The following GGNBP2 variants were observed in gnomAD, a reference collection of about 807,000 sequenced individuals.
GGNBP2 encodes the protein gametogenetin binding protein 2, also known as gametogenetin-binding protein 2.
Under a neutral mutation model 85.9 loss-of-function variants are expected in GGNBP2, and 10 were observed. The observed-to-expected ratio is 0.12, with a 90% CI of 0.07 to 0.20. The LOEUF (loss-of-function observed/expected upper bound fraction) is 0.20, where lower values mean the gene tolerates loss of function less well. GGNBP2 is among the 10% of genes least tolerant of loss of function. The probability of loss-of-function intolerance (pLI) is 1.00; values close to 1 mark genes in which losing one functional copy is unlikely to be tolerated. For synonymous variants in GGNBP2, 287 were observed against 285.7 expected (o/e 1.00, Z -0.05); for missense variants, 595 against 857.8 (o/e 0.69, Z 3.83).
intron 4 of GGNBP2, among the ~76,000 whole-genome samples, chr17:36,560,158 A>G (rs1002625314): frequency 6.6e-6 from 1 of 151,970 alleles, no homozygotes; most frequent in Non-Finnish European, 1.5e-5. Context: ...AAATTTTGCT[A>G]TGTTACCCAG....
At position 36,586,996 on chromosome 17, in the gene GGNBP2, G is replaced by C. The variant is rs2074708498; in HGVS notation, c.1642-1G>C. The C allele has an allele frequency of 1.2e-6, 2 of 1,609,660 alleles. No homozygotes were observed. The highest frequency in any genetic ancestry group is 2.7e-5 in the African/African-American group (2 of 74,208). On this transcript the variant is annotated splice_acceptor_variant, in intron 12 of 13. Transcript: ENST00000613102. LOFTEE classifies it high-confidence loss of function. Reference sequence around the variant, plus strand: ...TGTGAAATCCTTTGCTGTGGTATCAGATCCAGAAGCTTGGAAGCTGTATTA... The same window carrying C: ...TGTGAAATCCTTTGCTGTGGTATCACATCCAGAAGCTTGGAAGCTGTATTA...
chr17:36,545,529 C>T, intron 1 of GGNBP2, 90 bp from the exon 2 acceptor site: 1 of 521,856 alleles, frequency 1.9e-6, no homozygotes, highest in Non-Finnish European at 3.4e-6. Flanking sequence ...GCCCGGCTCT[C>T]CCGTACCCTC....
intron 6 of GGNBP2, among the ~76,000 whole-genome samples, chr17:36,571,275 A>G (rs1555606768): frequency 1.3e-5 from 2 of 152,026 alleles, no homozygotes; most frequent in Admixed American, 6.6e-5. Context: ...ATAAAGGCTG[A>G]GTGTGGTGGC....
intron 6 of GGNBP2, among the ~76,000 whole-genome samples, chr17:36,569,062 A>G (rs1021020203): frequency 8.6e-5 from 13 of 151,930 alleles, no homozygotes; most frequent in African/African-American, 2.7e-4. Flanking sequence ...CTACAAAGGA[A>G]TCTTCTAAGT....
At chr17:36,587,632 T>G (rs937245921) in intron 13 of GGNBP2, 1 of 201,974 alleles carries the variant, frequency 5.0e-6, no homozygotes, top group African/African-American at 2.3e-5. Flanking sequence ...CTCATGCTTG[T>G]AATCCCAGCA....
intron 4 of GGNBP2, among the ~76,000 whole-genome samples, chr17:36,558,548 C>A (rs1428985300): frequency 6.6e-6 from 1 of 151,346 alleles, no homozygotes; most frequent in East Asian, 2.0e-4. Flanking sequence ...CACTGCCTCC[C>A]GGGTTCAAGC....
chr17:36,581,549 T>C lies in GGNBP2; in HGVS notation c.1215+11T>C. On this transcript the variant is annotated intron_variant, in intron 9 of 13. Coordinates refer to ENST00000613102, the MANE Select transcript of GGNBP2 (RefSeq NM_024835.5). ...GTAAGCCAAGAGAAGGTAATATTTC[T>C]TAATATCAACTCTTAAGTGTGTATG... 6.3e-7 allele frequency: 1 copy of C among 1,585,214 alleles called. No individual in the cohort carries two copies.
At chr17:36,553,917 G>A (rs1256169550) in intron 2 of GGNBP2, among the ~76,000 whole-genome samples, 1 of 152,158 alleles carries the variant, frequency 6.6e-6, no homozygotes, top group Non-Finnish European at 1.5e-5. Context: ...GTGACATAGT[G>A]AAGCCTCCTT....
At chr17:36,556,964 G>C in intron 3 of GGNBP2, 119 bp from the exon 4 acceptor site, 4 of 1,153,860 alleles carry the variant, frequency 3.5e-6, no homozygotes, top group South Asian at 1.4e-5. Context: ...GTTGCAGGTA[G>C]AGCTGGTAAA....
intron 2 of GGNBP2, among the ~76,000 whole-genome samples, chr17:36,548,933 A>G (rs1163318146): frequency 1.3e-5 from 2 of 152,088 alleles, no homozygotes; most frequent in African/African-American, 4.8e-5. Flanking sequence ...AGACAAAGTG[A>G]AACTCCGTTT....
chr17:36,546,574 C>T (rs764767978), intron 2 of GGNBP2: 8 of 152,140 alleles, frequency 5.3e-5, no homozygotes, highest in Non-Finnish European at 1.0e-4. Context: ...GCATTATCGA[C>T]CCTCTGCCCT....
At chr17:36,574,659 C>A in intron 6 of GGNBP2, 1 of 596,522 alleles carries the variant, frequency 1.7e-6, no homozygotes, top group Non-Finnish European at 3.0e-6. Flanking sequence ...GCAGTGTAGC[C>A]CCTGGCTAAG....
intron 13 of GGNBP2, among the ~76,000 whole-genome samples, chr17:36,588,325 T>G (rs1020476284): frequency 6.6e-6 from 1 of 152,088 alleles, no homozygotes; most frequent in African/African-American, 2.4e-5. Context: ...TGGTGCGATC[T>G]CGGCTAATCG....
intron 8 of GGNBP2, among the ~76,000 whole-genome samples, chr17:36,580,717 C>G (rs1392722596): frequency 1.3e-5 from 2 of 150,560 alleles, no homozygotes; most frequent in African/African-American, 4.9e-5. Flanking sequence ...GCCAGGAGTT[C>G]GAGACCAACC....
chr17:36,577,778 A>C (rs1025288218), intron 6 of GGNBP2: 1 of 594,118 alleles, frequency 1.7e-6, no homozygotes, highest in Non-Finnish European at 3.0e-6. Flanking sequence ...CTAGTTTAAA[A>C]ATAATTTGCC....
At position 36,557,169 on chromosome 17, in the gene GGNBP2, C is replaced by G; in HGVS notation, c.261C>G (p.Val87=). The change falls in exon 4 of 14, where the codon GTC becomes GTG. Residue 87 remains valine (V), a synonymous_variant. Coordinates refer to ENST00000613102, the MANE Select transcript of GGNBP2 (RefSeq NM_024835.5). ...TCCTGAGTGCACTTTCTCAGCTTGT[C>G]CCATGTGTTGGTTGTCGTCGCAGTG... is the stretch of plus-strand genomic sequence containing the variant. The part of the protein sequence containing the change: ...REVLSALSQL[V]PCVGCRRSVE... 1 of 1,614,118 alleles carries G rather than the reference C, an allele frequency of 6.2e-7. No homozygotes were observed. The highest frequency in any genetic ancestry group is 8.5e-7 in the Non-Finnish European group (1 of 1,180,028).
intron 3 of GGNBP2, 122 bp downstream of exon 3, chr17:36,555,022 C>T (rs1034329127): frequency 4.9e-6 from 3 of 611,714 alleles, no homozygotes; most frequent in African/African-American, 3.7e-5. Flanking sequence ...TGGAATTGCT[C>T]TTTCACCATT....
At chr17:36,547,863 T>G (rs2074269779) in intron 2 of GGNBP2, 1 of 152,232 alleles carries the variant, frequency 6.6e-6, no homozygotes, top group African/African-American at 2.4e-5. Context: ...TTCTGCACAG[T>G]CATTGAATGC....
Position 36,548,532 on chromosome 17 carries a change from A to G in GGNBP2, c.93+2715A>G, listed in dbSNP as rs1988033. On this transcript the variant is annotated intron_variant, in intron 2 of 13. Coordinates refer to ENST00000613102, the MANE Select transcript of GGNBP2 (RefSeq NM_024835.5). Reference sequence around the variant, plus strand: ...CAGGAGGCTGAGGCAGGAGAATCCTATGAACCCGGGAGGTGGAGGTTGCGG... The same window carrying G: ...CAGGAGGCTGAGGCAGGAGAATCCTGTGAACCCGGGAGGTGGAGGTTGCGG... 1.2e-3 allele frequency among the ~76,000 whole-genome samples: 172 copies of G among 144,054 alleles called. 1 individual carries two copies. The highest frequency in any genetic ancestry group is 4.2e-3 in the African/African-American group (164 of 39,516). 94.5% of individuals were successfully genotyped at this position (144,054 alleles called of 152,430 possible).
Sources: gnomAD v4.1 joint callset for allele counts (sites outside exome capture counted in the v4.1 genomes callset) on GRCh38, gnomAD v4.1.1 for gene constraint, MANE v1.5 for transcripts, NCBI Gene and HGNC (gene_info 2026-07-23, HGNC 2026-07-21) for gene names.